Variants in OPCML observed in about 807,000 individuals in gnomAD.
OPCML encodes the protein opioid binding protein/cell adhesion molecule like.
A neutral mutation model predicts 37.8 loss-of-function variants in OPCML; 13 were observed. The ratio of observed to expected loss-of-function variants is 0.34; its 90% CI spans 0.22 to 0.55. The LOEUF (loss-of-function observed/expected upper bound fraction) is 0.55. Ranked by LOEUF, OPCML falls within the 20% of genes least tolerant of loss-of-function variation. The pLI is 0.91. For missense variants in OPCML, 341 were observed against 435.6 expected (o/e 0.78, Z 1.93); for synonymous variants, 176 against 168.8 (o/e 1.04, Z -0.33).
intron 1 of OPCML, among the ~76,000 whole-genome samples, chr11:133,193,262 G>C (rs897742881): frequency 5.9e-5 from 9 of 152,142 alleles, no homozygotes; most frequent in African/African-American, 2.2e-4. Flanking sequence ...TCAGATCCTA[G>C]GTGGGCTGGC....
At chr11:132,654,862 C>T (rs1941627306) in intron 3 of OPCML, among the ~76,000 whole-genome samples, 1 of 151,088 alleles carries the variant, frequency 6.6e-6, no homozygotes, top group African/African-American at 2.4e-5. Context: ...CTGACTGCCT[C>T]TGGACTTCCC....
chr11:133,063,113 A>G (rs1948379278), intron 1 of OPCML, among the ~76,000 whole-genome samples: 1 of 152,230 alleles, frequency 6.6e-6, no homozygotes, highest in Non-Finnish European at 1.5e-5. Context: ...TCCAGAGACC[A>G]GCCTTCGCAG....
chr11:132,513,672 C>T (rs2096273783), intron 4 of OPCML, among the ~76,000 whole-genome samples: 1 of 152,100 alleles, frequency 6.6e-6, no homozygotes, highest in Non-Finnish European at 1.5e-5. Flanking sequence ...ATTTCATTTT[C>T]CTTCTTTTGA....
chr11:132,872,393 G>A lies in OPCML; in HGVS notation c.146+70533C>T, dbSNP rs146163659. 1.2e-3 allele frequency among the ~76,000 whole-genome samples: 187 copies of A among 152,222 alleles called. 1 individual carries two copies. The highest frequency in any genetic ancestry group is 4.3e-3 in the African/African-American group (177 of 41,530). On this transcript the variant is annotated intron_variant, in intron 2 of 7. Transcript: ENST00000524381. ...CGTGCTGCCAAACGAATCGCGGATC[G>A]AAAAGGCTTCCAGGTACATAATCAC... is the stretch of plus-strand genomic sequence containing the variant.
At chr11:132,747,913 T>C (rs1305174668) in intron 2 of OPCML, among the ~76,000 whole-genome samples, 1 of 152,176 alleles carries the variant, frequency 6.6e-6, no homozygotes, top group African/African-American at 2.4e-5. Context: ...GCCATCCTCC[T>C]GCCTCACCTG....
At chr11:132,456,211 T>C (rs553868038) in intron 4 of OPCML, among the ~76,000 whole-genome samples, 22 of 152,298 alleles carry the variant, frequency 1.4e-4, no homozygotes, top group Non-Finnish European at 2.9e-4. Context: ...CAGTTTCCCA[T>C]TGTTCAGGAG....
At chr11:133,097,268 T>C (rs898235007) in intron 1 of OPCML, among the ~76,000 whole-genome samples, 8 of 152,180 alleles carry the variant, frequency 5.3e-5, no homozygotes, top group Non-Finnish European at 8.8e-5. Flanking sequence ...CTTAAGATAC[T>C]TGAAGATTAA....
chr11:133,082,301 G>A (rs888664612), intron 1 of OPCML, among the ~76,000 whole-genome samples: 12 of 151,452 alleles, frequency 7.9e-5, no homozygotes, highest in Non-Finnish European at 1.6e-4. Context: ...TAGGCGAGCC[G>A]GGCTCCACCC....
At chr11:133,372,253 A>G (rs1325198276) in intron 1 of OPCML, among the ~76,000 whole-genome samples, 2 of 152,198 alleles carry the variant, frequency 1.3e-5, no homozygotes, top group African/African-American at 2.4e-5. Flanking sequence ...CTTGATCATT[A>G]CATATTTATG....
intron 1 of OPCML, chr11:133,422,377 T>TATATATATATATATATATATATATA (rs1945906923): frequency 1.6e-6 from 1 of 636,472 alleles, no homozygotes; most frequent in Non-Finnish European, 1.9e-6. Flanking sequence ...ACCAAAGACA[T>TATATATATATATATATATATATATA]TATATATATA....
At chr11:132,487,806 A>T (rs2096204625) in intron 4 of OPCML, among the ~76,000 whole-genome samples, 1 of 152,166 alleles carries the variant, frequency 6.6e-6, no homozygotes, top group African/African-American at 2.4e-5. Flanking sequence ...ATCACTCACG[A>T]TTGGCCATGA....
intron 1 of OPCML, among the ~76,000 whole-genome samples, chr11:133,036,377 C>T (rs1008933730): frequency 1.6e-4 from 24 of 152,202 alleles, no homozygotes; most frequent in South Asian, 4.1e-4. Flanking sequence ...AGATTCTCCA[C>T]GGTCTAGTGA....
At chr11:132,583,097 C>A (rs765786527) in intron 3 of OPCML, among the ~76,000 whole-genome samples, 1 of 152,094 alleles carries the variant, frequency 6.6e-6, no homozygotes, top group Non-Finnish European at 1.5e-5. Flanking sequence ...CTCTGTCGCT[C>A]AGGCTGGAGT....
intron 2 of OPCML, among the ~76,000 whole-genome samples, chr11:132,742,529 C>T (rs1361635431): frequency 2.0e-5 from 3 of 151,946 alleles, no homozygotes; most frequent in Non-Finnish European, 4.4e-5. Context: ...GATATGCTGG[C>T]ACCATGATCT....
intron 1 of OPCML, among the ~76,000 whole-genome samples, chr11:133,334,110 A>C (rs1943687208): frequency 6.6e-6 from 1 of 152,224 alleles, no homozygotes; most frequent in African/African-American, 2.4e-5. Context: ...TAAAAGCAGA[A>C]CTACCATTCA....
At chr11:133,011,386 G>T (rs1200712207) in intron 1 of OPCML, among the ~76,000 whole-genome samples, 1 of 152,180 alleles carries the variant, frequency 6.6e-6, no homozygotes, top group African/African-American at 2.4e-5. Context: ...TGTTGAGGCT[G>T]CAACCTTGAA....
intron 1 of OPCML, among the ~76,000 whole-genome samples, chr11:133,315,661 A>C (rs1943189669): frequency 6.6e-6 from 1 of 152,124 alleles, no homozygotes; most frequent in Non-Finnish European, 1.5e-5. Flanking sequence ...AGCCCGGCAT[A>C]GTGGCACGTG....
intron 3 of OPCML, among the ~76,000 whole-genome samples, chr11:132,616,255 G>C (rs758073003): frequency 6.6e-6 from 1 of 152,198 alleles, no homozygotes; most frequent in Non-Finnish European, 1.5e-5. Flanking sequence ...TTGTTATACA[G>C]TTTACAAGAT....
intron 1 of OPCML, among the ~76,000 whole-genome samples, chr11:132,972,230 G>A (rs1490977105): frequency 6.6e-6 from 1 of 152,106 alleles, no homozygotes; most frequent in Admixed American, 6.5e-5. Context: ...AGTCTTGGTG[G>A]CCCCAGTCCT....
Sources: allele counts gnomAD v4.1 joint callset (sites outside exome capture counted in the v4.1 genomes callset), GRCh38; gene constraint gnomAD v4.1.1; transcripts MANE v1.5; gene names NCBI Gene and HGNC (gene_info 2026-07-23, HGNC 2026-07-21).